Variants in SIK3 observed in about 807,000 individuals in gnomAD.
SIK3 encodes SIK family kinase 3, also known as serine/threonine-protein kinase SIK3.
In SIK3, 28 loss-of-function variants were observed where a neutral mutation model predicts 144.2. The observed-to-expected ratio is 0.19, with a 90% CI of 0.14 to 0.27. SIK3 has a LOEUF of 0.27. SIK3 is among the 10% of genes least tolerant of loss of function. The probability of loss-of-function intolerance (pLI) is 1.00; values close to 1 mark genes in which losing one functional copy is unlikely to be tolerated. For missense variants in SIK3, 1,319 were observed against 1,776.0 expected, an observed-to-expected ratio of 0.74 and a Z score of 4.62; for synonymous variants, 686 against 676.3, an observed-to-expected ratio of 1.01 and a Z score of -0.22.
At chr11:117,043,614 G>A (rs1399740082) in intron 1 of SIK3, among the ~76,000 whole-genome samples, 1 of 152,082 alleles carries the variant, frequency 6.6e-6, no homozygotes, top group Non-Finnish European at 1.5e-5. Context: ...TCAACATTGC[G>A]TGACTATAAC....
chr11:116,879,753 G>A (rs1944453959), intron 6 of SIK3, among the ~76,000 whole-genome samples: 1 of 152,204 alleles, frequency 6.6e-6, no homozygotes, highest in Non-Finnish European at 1.5e-5. Flanking sequence ...CAAATGCAGT[G>A]TACATCTCAA....
intron 1 of SIK3, among the ~76,000 whole-genome samples, chr11:116,963,440 C>T (rs1252587717): frequency 6.6e-6 from 1 of 152,178 alleles, no homozygotes; most frequent in Non-Finnish European, 1.5e-5. Flanking sequence ...TTAAAAGACA[C>T]GTGTATACAA....
chr11:117,023,414 A>ATT (rs59626113), intron 1 of SIK3, among the ~76,000 whole-genome samples: 1 of 138,672 alleles, frequency 7.2e-6, no homozygotes, highest in Non-Finnish European at 1.6e-5. Flanking sequence ...ACACCTGATG[A>ATT]TTTTTTTTTT....
chr11:117,072,966 C>T (rs1487164190), intron 1 of SIK3, among the ~76,000 whole-genome samples: 1 of 152,120 alleles, frequency 6.6e-6, no homozygotes, highest in African/African-American at 2.4e-5. Flanking sequence ...AGATTCTTAC[C>T]TCCTCAAACT....
In SIK3 at chr11:116,870,540, G is replaced by A. The variant is rs1286497272; in HGVS notation, c.1738-139C>T. On this transcript the variant is annotated intron_variant, in intron 13 of 24. Coordinates refer to ENST00000445177, the MANE Select transcript of SIK3 (RefSeq NM_001366686.3). ...TTTTCTAGACTCCTGGGTTATACAG[G>A]ATTTTCATATACCTATTTTTCCATT... 24 of 1,080,464 alleles carry A rather than the reference G, an allele frequency of 2.2e-5. No individual in the cohort carries two copies. In the Admixed American group the frequency reaches 5.7e-4, roughly 26 times the overall value. 66.9% of individuals were successfully genotyped at this position (1,080,464 alleles called of 1,614,324 possible).
chr11:116,918,349 C>T (rs1314318405), intron 4 of SIK3, among the ~76,000 whole-genome samples: 1 of 152,094 alleles, frequency 6.6e-6, no homozygotes, highest in Non-Finnish European at 1.5e-5. Context: ...AGGGAGGAGG[C>T]AAGCTTTTGG....
chr11:117,084,568 G>C (rs1426128633), intron 1 of SIK3, among the ~76,000 whole-genome samples: 1 of 151,998 alleles, frequency 6.6e-6, no homozygotes, highest in Non-Finnish European at 1.5e-5. Flanking sequence ...GCCGGGCCCA[G>C]CCTCCCGTTA....
At chr11:117,012,839 G>A (rs1464251222) in intron 1 of SIK3, among the ~76,000 whole-genome samples, 1 of 124,236 alleles carries the variant, frequency 8.0e-6, no homozygotes, top group Non-Finnish European at 1.7e-5. Flanking sequence ...TTTTTTTTTT[G>A]CCATTACTGC....
At chr11:116,955,851 C>T (rs1302516233) in intron 2 of SIK3, among the ~76,000 whole-genome samples, 1 of 152,164 alleles carries the variant, frequency 6.6e-6, no homozygotes, top group Non-Finnish European at 1.5e-5. Context: ...ATGTGAGCAG[C>T]TGATGCCAGG....
intron 1 of SIK3, among the ~76,000 whole-genome samples, chr11:116,972,296 A>AT (rs1382608327): frequency 6.6e-6 from 1 of 152,150 alleles, no homozygotes; most frequent in Admixed American, 6.5e-5. Flanking sequence ...CCTCCACTTC[A>AT]TTATGTTTTG....
chr11:117,050,798 T>C (rs138862368), intron 1 of SIK3, among the ~76,000 whole-genome samples: 127 of 152,176 alleles, frequency 8.3e-4, no homozygotes, highest in African/African-American at 2.6e-3. Flanking sequence ...TCTGGGTAGA[T>C]ACAAACATAA....
intron 1 of SIK3, among the ~76,000 whole-genome samples, chr11:117,002,752 A>C (rs1950900269): frequency 6.6e-6 from 1 of 152,256 alleles, no homozygotes; most frequent in Non-Finnish European, 1.5e-5. Flanking sequence ...GTTCTTTTAT[A>C]GAGAACATGT....
intron 1 of SIK3, among the ~76,000 whole-genome samples, chr11:117,037,482 G>A (rs1363847255): frequency 6.6e-6 from 1 of 152,168 alleles, no homozygotes; most frequent in Non-Finnish European, 1.5e-5. Flanking sequence ...TCAGTTCAAA[G>A]GAGGGAATGA....
At position 116,868,529 on chromosome 11, in the gene SIK3, C is replaced by T. The variant is rs780532329; in HGVS notation, c.1809-440G>A. 2.0e-5 allele frequency among the ~76,000 whole-genome samples: 3 copies of T among 152,168 alleles called. No individual in the cohort carries two copies. In the East Asian group the frequency reaches 5.8e-4, roughly 29 times the overall value. ...TCAGAAGGACTCTGTGCATGTCTCT[C>T]GATCTCACAGGCCCCAGGTTTGAGA... On this transcript the variant is annotated intron_variant, in intron 14 of 24. Coordinates refer to ENST00000445177, the MANE Select transcript of SIK3 (RefSeq NM_001366686.3).
intron 1 of SIK3, among the ~76,000 whole-genome samples, chr11:117,087,750 C>T (rs1423623013): frequency 3.9e-5 from 6 of 152,156 alleles, no homozygotes; most frequent in African/African-American, 1.4e-4. Context: ...ATATTAGGTG[C>T]CGTACAAGCA....
intron 1 of SIK3, among the ~76,000 whole-genome samples, chr11:117,020,112 A>G (rs1288735742): frequency 6.6e-6 from 1 of 151,984 alleles, no homozygotes; most frequent in Non-Finnish European, 1.5e-5. Flanking sequence ...AATGAGCCAG[A>G]TGAAACTACA....
At chr11:116,856,441 A>G (rs1264171443) in intron 21 of SIK3, among the ~76,000 whole-genome samples, 1 of 152,152 alleles carries the variant, frequency 6.6e-6, no homozygotes, top group Non-Finnish European at 1.5e-5. Context: ...CTGCCCCATA[A>G]TATGAACCCA....
Position 117,098,352 on chromosome 11 carries a change from G to GCCCGGCTCCCCCAGT in SIK3, c.49_63dup (p.Thr17_Gly21dup). On this transcript the variant is annotated inframe_insertion, in exon 1 of 25. Transcript: ENST00000445177. ...GGCGGAGGCAGCAGGCGGCCCGCGG[G>GCCCGGCTCCCCCAGT]CCCGGCTCCCCCAGTCCCGGCCCCG... The GCCCGGCTCCCCCAGT allele has an allele frequency of 8.7e-7, 1 of 1,154,582 alleles. No individual in the cohort carries two copies. The highest frequency in any genetic ancestry group is 1.1e-6 in the Non-Finnish European group (1 of 941,636). The allele number at this position is 1,154,582 out of a possible 1,614,324, so 71.5% of individuals were successfully genotyped here. A position where few individuals can be genotyped will look rare whatever the true frequency, so the allele number is the denominator to read the frequency against.
chr11:117,015,627 T>C (rs909613876), intron 1 of SIK3, among the ~76,000 whole-genome samples: 15 of 151,376 alleles, frequency 9.9e-5, no homozygotes, highest in African/African-American at 3.7e-4. Context: ...CAGGCTGGAG[T>C]ACAATGGCAC....
Sources: allele counts gnomAD v4.1 joint callset (sites outside exome capture counted in the v4.1 genomes callset), GRCh38; gene constraint gnomAD v4.1.1; transcripts MANE v1.5; gene names NCBI Gene and HGNC (gene_info 2026-07-23, HGNC 2026-07-21).